SGPP2: variants seen among roughly 807,000 people sequenced by gnomAD.
The protein encoded by SGPP2 is sphingosine 1-phosphate phosphohydrolase 2.
Under a neutral mutation model 33.9 loss-of-function variants are expected in SGPP2, and 30 were observed. The observed-to-expected ratio is 0.89, with a 90% CI of 0.66 to 1.20. The LOEUF is 1.20. Among genes scored for constraint, SGPP2 ranks in the 50% most tolerant of loss-of-function variants. The pLI, the probability that SGPP2 is intolerant of heterozygous loss-of-function variation, is 0.00. For synonymous variants in SGPP2, 233 were observed against 225.0 expected (o/e 1.04, Z -0.32); for missense variants, 458 against 532.1 (o/e 0.86, Z 1.37).
Position 222,458,353 on chromosome 2 carries a change from C to T in SGPP2, c.220-16215C>T, listed in dbSNP as rs1303294715. On this transcript the variant is annotated intron_variant, in intron 1 of 4. Coordinates refer to ENST00000321276, the MANE Select transcript of SGPP2 (RefSeq NM_152386.4). ...TACAGGTGTGAGCCACCGTGCCTGGCCCAGTGCCTCTGTTGAAAGAAACTC... is the reference window on the plus strand; with the variant it reads ...TACAGGTGTGAGCCACCGTGCCTGGTCCAGTGCCTCTGTTGAAAGAAACTC... Among the ~76,000 whole-genome samples the T allele has an allele frequency of 2.0e-5, 3 of 152,284 alleles. No individual in the cohort carries two copies. In the East Asian group the frequency reaches 5.8e-4, roughly 29 times the overall value.
intron 2 of SGPP2, among the ~76,000 whole-genome samples, chr2:222,498,021 T>C (rs12475530): frequency 0.015 from 2,330 of 152,230 alleles, 38 homozygotes; most frequent in African/African-American, 0.041. Flanking sequence ...CCAGCAGTGG[T>C]AGAAATGACT....
Position 222,559,063 on chromosome 2 carries a change from T to A in SGPP2, c.*165T>A. On this transcript the variant is annotated 3_prime_UTR_variant, in exon 5 of 5. Transcript: ENST00000321276. ...GATGCTGCTGTGTGAAAGGAAGAAC[T>A]GTCTCATAGCGGTCATTGGTCGTCC... 1.5e-6 allele frequency: 1 copy of A among 668,580 alleles called. No homozygotes were observed. The highest frequency in any genetic ancestry group is 2.5e-6 in the Non-Finnish European group (1 of 404,538). 41.4% of individuals were successfully genotyped at this position (668,580 alleles called of 1,614,324 possible).
chr2:222,545,564 G>T (rs555778203), intron 4 of SGPP2, among the ~76,000 whole-genome samples: 72 of 152,204 alleles, frequency 4.7e-4, no homozygotes, highest in African/African-American at 1.7e-3. Flanking sequence ...TTACAGGCGT[G>T]AGCCACCACA....
At chr2:222,490,131 A>G (rs1698174153) in intron 2 of SGPP2, among the ~76,000 whole-genome samples, 1 of 152,224 alleles carries the variant, frequency 6.6e-6, no homozygotes, top group African/African-American at 2.4e-5. Flanking sequence ...GTAAGTTTCT[A>G]TATTCATGAG....
chr2:222,519,838 C>T (rs1479354879), intron 2 of SGPP2, among the ~76,000 whole-genome samples: 1 of 152,182 alleles, frequency 6.6e-6, no homozygotes, highest in Non-Finnish European at 1.5e-5. Flanking sequence ...GTTGCAAGAA[C>T]ATGATTTTGT....
intron 1 of SGPP2, among the ~76,000 whole-genome samples, chr2:222,439,555 A>C (rs1697294216): frequency 6.6e-6 from 1 of 152,008 alleles, no homozygotes; most frequent in African/African-American, 2.4e-5. Flanking sequence ...AACAACCAAA[A>C]CGTTCCTCAG....
At chr2:222,531,937 C>T (rs937745857) in intron 4 of SGPP2, among the ~76,000 whole-genome samples, 7 of 152,122 alleles carry the variant, frequency 4.6e-5, no homozygotes, top group African/African-American at 1.7e-4. Context: ...ATGCTCAGGG[C>T]GTGTGAGTAC....
At chr2:222,486,680 A>G (rs991306081) in intron 2 of SGPP2, among the ~76,000 whole-genome samples, 1 of 152,144 alleles carries the variant, frequency 6.6e-6, no homozygotes, top group Non-Finnish European at 1.5e-5. Flanking sequence ...TATGACTCTC[A>G]TTTTAAGGGG....
chr2:222,466,328 G>A (rs1000368681), intron 1 of SGPP2, among the ~76,000 whole-genome samples: 1 of 142,520 alleles, frequency 7.0e-6, no homozygotes, highest in African/African-American at 2.6e-5. Flanking sequence ...GCGCAATCTC[G>A]GCTCACTGTA....
intron 2 of SGPP2, among the ~76,000 whole-genome samples, chr2:222,509,086 C>T (rs1462150001): frequency 1.3e-5 from 2 of 151,942 alleles, no homozygotes; most frequent in Admixed American, 6.6e-5. Flanking sequence ...AATTCACTCC[C>T]AGACGCTAAA....
intron 1 of SGPP2, among the ~76,000 whole-genome samples, chr2:222,432,403 A>T (rs998482687): frequency 6.6e-6 from 1 of 152,230 alleles, no homozygotes; most frequent in Non-Finnish European, 1.5e-5. Context: ...GTTTTGAATC[A>T]TAGGATCCCA....
At chr2:222,554,909 A>AT in intron 4 of SGPP2, among the ~76,000 whole-genome samples, 1 of 152,220 alleles carries the variant, frequency 6.6e-6, no homozygotes, top group Non-Finnish European at 1.5e-5. Context: ...ATAAAGTTCC[A>AT]TGAATGTTAA....
At chr2:222,480,256 T>C (rs1012681079) in intron 2 of SGPP2, among the ~76,000 whole-genome samples, 3 of 152,248 alleles carry the variant, frequency 2.0e-5, no homozygotes, top group Non-Finnish European at 2.9e-5. Flanking sequence ...ACTCACTTTT[T>C]TGCTAAATTC....
At chr2:222,424,477 G>A (rs1312533805), upstream of SGPP2, 2 of 525,748 alleles carry the variant, frequency 3.8e-6, no homozygotes, top group Non-Finnish European at 5.2e-6. Context: ...GGCTGGGCCC[G>A]GGGCCCCGCC....
At position 222,460,162 on chromosome 2, in the gene SGPP2, C is replaced by T. The variant is rs549631507; in HGVS notation, c.220-14406C>T. On this transcript the variant is annotated intron_variant, in intron 1 of 4. Coordinates refer to ENST00000321276, the MANE Select transcript of SGPP2 (RefSeq NM_152386.4). The surrounding 1 kb of genome is among the most constrained non-coding windows in gnomAD (Gnocchi z 4.3). The stretch of plus-strand genomic sequence containing the variant: ...TCAGTTGCCATCCACAGAAGAAGGA[C>T]TCACTTTCTCTGGGTTTTATCACGT... Among the ~76,000 whole-genome samples, 2 of 152,318 alleles carry T rather than the reference C, an allele frequency of 1.3e-5. No homozygotes were observed. Among genetic ancestry groups the T allele is most frequent in the East Asian group, 3.9e-4 (2 of 5,190 alleles).
chr2:222,447,662 A>G (rs937752974), intron 1 of SGPP2, among the ~76,000 whole-genome samples: 1 of 152,228 alleles, frequency 6.6e-6, no homozygotes. Flanking sequence ...AAGTGAGAAG[A>G]ACTATGCTTT....
At chr2:222,448,163 G>A (rs1271927971) in intron 1 of SGPP2, among the ~76,000 whole-genome samples, 1 of 152,184 alleles carries the variant, frequency 6.6e-6, no homozygotes, top group East Asian at 1.9e-4. Flanking sequence ...GCATCTAAGT[G>A]GAGAGCTGGA....
At chr2:222,537,868 A>G (rs1290023710) in intron 4 of SGPP2, among the ~76,000 whole-genome samples, 1 of 152,240 alleles carries the variant, frequency 6.6e-6, no homozygotes, top group Admixed American at 6.5e-5. Flanking sequence ...ATCTAATATT[A>G]TGTAATTTTT....
At chr2:222,430,232 G>T (rs758898945) in intron 1 of SGPP2, among the ~76,000 whole-genome samples, 1 of 152,140 alleles carries the variant, frequency 6.6e-6, no homozygotes, top group South Asian at 2.1e-4. Context: ...AATGGGAGAA[G>T]CTCTTTCTTT....
Sources: gnomAD v4.1 joint callset for allele counts (sites outside exome capture counted in the v4.1 genomes callset) on GRCh38, gnomAD v4.1.1 for gene constraint, Gnocchi (gnomAD v3.1) non-coding constraint, MANE v1.5 for transcripts, NCBI Gene and HGNC (gene_info 2026-07-23, HGNC 2026-07-21) for gene names.